ARID1A: variants seen among roughly 807,000 people sequenced by gnomAD.
The protein encoded by ARID1A is AT-rich interaction domain 1A.
ARID1A carries 20 observed loss-of-function variants against 212.6 expected under a neutral mutation model. The ratio of observed to expected loss-of-function variants is 0.09; its 90% CI spans 0.07 to 0.14. The LOEUF (loss-of-function observed/expected upper bound fraction) is 0.14. Among genes scored for constraint, ARID1A ranks in the 10% least tolerant of loss-of-function variants. The pLI is 1.00. For synonymous variants in ARID1A, 1,376 were observed against 1,222.1 expected, an observed-to-expected ratio of 1.13 and a Z score of -2.63; for missense variants, 2,587 against 3,059.0, an observed-to-expected ratio of 0.85 and a Z score of 3.64.
chr1:26,759,548 G>A (rs895650288), intron 4 of ARID1A, among the ~76,000 whole-genome samples: 2 of 152,136 alleles, frequency 1.3e-5, no homozygotes, highest in African/African-American at 4.8e-5. Flanking sequence ...TACCATTTAA[G>A]TATCAGGGTT....
chr1:26,763,016 C>T lies in ARID1A; in HGVS notation c.2463C>T (p.Ala821=), dbSNP rs578102990. ...RQPNYNALPN[A]NYPSAGMAGG... ...CAAACTATAATGCCTTGCCCAATGC[C>T]AACTACCCCAGTGCAGGCATGGCTG... The change falls in exon 8 of 20, where the codon GCC becomes GCT. Residue 821 remains alanine, a synonymous_variant. Coordinates refer to ENST00000324856, the MANE Select transcript of ARID1A (RefSeq NM_006015.6). The T allele has an allele frequency of 1.9e-6, 3 of 1,609,832 alleles. No individual in the cohort carries two copies. Among genetic ancestry groups the T allele is most frequent in the African/African-American group, 1.3e-5 (1 of 74,980 alleles).
chr1:26,738,897 A>T (rs1570583474), intron 4 of ARID1A, among the ~76,000 whole-genome samples: 1 of 117,888 alleles, frequency 8.5e-6, no homozygotes. Flanking sequence ...TTTTTTTGAG[A>T]CAGAGTCTCT....
intron 1 of ARID1A, among the ~76,000 whole-genome samples, chr1:26,723,837 C>T (rs549671601): frequency 3.9e-5 from 6 of 152,210 alleles, no homozygotes; most frequent in Admixed American, 1.3e-4. Context: ...CAACCACTCG[C>T]GCTCTCATAC....
At chr1:26,761,641 GTACA>G (rs2080993078) in intron 6 of ARID1A, among the ~76,000 whole-genome samples, 168 bp downstream of exon 6, 1 of 152,162 alleles carries the variant, frequency 6.6e-6, no homozygotes, top group African/African-American at 2.4e-5. Context: ...CATTTATGGG[GTACA>G]TAATGATGTT....
intron 4 of ARID1A, among the ~76,000 whole-genome samples, chr1:26,742,372 T>C (rs1293619815): frequency 6.6e-6 from 1 of 152,264 alleles, no homozygotes; most frequent in South Asian, 2.1e-4. Context: ...CAGTGAACCG[T>C]TGACTAGAGT....
At position 26,696,633 on chromosome 1, in the gene ARID1A, C is replaced by T. The variant is rs2124740854; in HGVS notation, c.230C>T (p.Ala77Val). The T allele has an allele frequency of 7.8e-7, 1 of 1,289,628 alleles. No individual in the cohort carries two copies. Among genetic ancestry groups the T allele is most frequent in the African/African-American group, 1.6e-5 (1 of 64,406 alleles). The allele number at this position is 1,289,628 out of a possible 1,614,324, so 79.9% of individuals were successfully genotyped here. The stretch of plus-strand genomic sequence containing the variant: ...CTGGGAAAGGAGCTGCAGGACGGGG[C>T]CGAGAGCAATGGGGGTGGCGGCGGC... The part of the protein sequence containing the change: ...QPLGKELQDG[A>V]ESNGGGGGGG... The change falls in exon 1 of 20, where the codon GCC (alanine) becomes GTC (valine). Residue 77 changes from alanine (A) to valine (V), a missense_variant. By Grantham distance (64) the Ala-to-Val change is moderately conservative. Coordinates refer to ENST00000324856, the MANE Select transcript of ARID1A (RefSeq NM_006015.6).
rs2124117877 is a variant in ARID1A at position 26,774,453 on chromosome 1, A to G, written c.4226A>G (p.Gln1409Arg). The change falls in exon 18 of 20, where the codon CAG becomes CGG. Residue 1409 changes from glutamine to arginine, a missense_variant. Gln to Arg is a conservative substitution (Grantham distance 43). Transcript: ENST00000324856. The surrounding 1 kb of genome is among the most constrained non-coding windows in gnomAD (Gnocchi z 5.6). ...QPQQQQLPPA[Q>R]PQPASQQQAA... is the part of the protein sequence containing the mutation. ...CAGCAGCAGCAGTTGCCCCCAGCCC[A>G]GCCCCAGCCTGCCAGCCAGCAACAA... The G allele has an allele frequency of 6.2e-7, 1 of 1,613,674 alleles. No homozygotes were observed. Among genetic ancestry groups the G allele is most frequent in the Non-Finnish European group, 8.5e-7 (1 of 1,179,798 alleles).
intron 1 of ARID1A, among the ~76,000 whole-genome samples, chr1:26,701,795 C>T (rs946604704): frequency 2.6e-5 from 4 of 152,118 alleles, no homozygotes; most frequent in African/African-American, 9.7e-5. Context: ...AGTTGGGTGC[C>T]ATTGTGGTCT....
chr1:26,762,112 G>T (rs752894149), intron 6 of ARID1A, 40 bp from the exon 7 acceptor site: 1 of 1,574,336 alleles, frequency 6.4e-7, no homozygotes, highest in South Asian at 1.2e-5. Context: ...TGTTCGCATT[G>T]TATAAAGCTA....
chr1:26,740,342 G>A (rs778176292), intron 4 of ARID1A, among the ~76,000 whole-genome samples: 7 of 152,228 alleles, frequency 4.6e-5, no homozygotes, highest in Non-Finnish European at 8.8e-5. Flanking sequence ...AAGACCATGT[G>A]CCTGTATGTT....
At chr1:26,736,705 C>G (rs2080734149) in intron 4 of ARID1A, among the ~76,000 whole-genome samples, 1 of 150,500 alleles carries the variant, frequency 6.6e-6, no homozygotes, top group African/African-American at 2.4e-5. Context: ...GAGTTTGAGA[C>G]CAGCCTGACC....
intron 1 of ARID1A, among the ~76,000 whole-genome samples, chr1:26,715,703 T>G (rs2080496158): frequency 1.3e-5 from 2 of 152,294 alleles, no homozygotes; most frequent in South Asian, 4.1e-4. Context: ...GTTGAAATGT[T>G]GTTTAATTTA....
intron 1 of ARID1A, among the ~76,000 whole-genome samples, chr1:26,725,588 C>T (rs937165582): frequency 3.3e-5 from 5 of 152,054 alleles, no homozygotes; most frequent in Non-Finnish European, 7.4e-5. Context: ...AAAAATCTGA[C>T]GACCAGAAAA....
chr1:26,775,430 A>G (rs748385485), intron 18 of ARID1A, 147 bp from the exon 19 acceptor site: 5 of 1,384,844 alleles, frequency 3.6e-6, no homozygotes, highest in Non-Finnish European at 3.8e-6. Context: ...CTTAGAAGCC[A>G]TGAGGGGCTG....
intron 11 of ARID1A, chr1:26,769,994 A>C (rs868481733): frequency 1.3e-5 from 2 of 152,320 alleles, no homozygotes; most frequent in African/African-American, 4.8e-5. Flanking sequence ...CGGGCGGATC[A>C]TCTGAGGTCA....
At chr1:26,705,486 A>G (rs939383143) in intron 1 of ARID1A, among the ~76,000 whole-genome samples, 1 of 150,290 alleles carries the variant, frequency 6.7e-6, no homozygotes, top group African/African-American at 2.4e-5. Flanking sequence ...TGACCTGCTG[A>G]AAGTACTGGA....
intron 1 of ARID1A, among the ~76,000 whole-genome samples, chr1:26,722,808 A>AT (rs1201674728): frequency 6.6e-6 from 1 of 151,918 alleles, no homozygotes; most frequent in African/African-American, 2.4e-5. Flanking sequence ...ATCTAATGAG[A>AT]TTTTTTTATT....
chr1:26,709,765 TC>T (rs920034510), intron 1 of ARID1A, among the ~76,000 whole-genome samples: 1 of 151,130 alleles, frequency 6.6e-6, no homozygotes, highest in African/African-American at 2.4e-5. Context: ...CAATCTTCCT[TC>T]CTCAGCCTCC....
chr1:26,733,741 C>T (rs544717156), intron 4 of ARID1A, among the ~76,000 whole-genome samples: 2 of 152,280 alleles, frequency 1.3e-5, no homozygotes, highest in East Asian at 3.9e-4. Context: ...CATGACAAAT[C>T]CTGCTTCAGT....
Sources: allele counts gnomAD v4.1 joint callset (sites outside exome capture counted in the v4.1 genomes callset), GRCh38; gene constraint gnomAD v4.1.1; non-coding constraint Gnocchi (gnomAD v3.1); transcripts MANE v1.5; gene names NCBI Gene and HGNC (gene_info 2026-07-23, HGNC 2026-07-21).